Variants in FABP6 observed in about 807,000 individuals in gnomAD.
FABP6 encodes fatty acid binding protein 6.
FABP6 carries 13 observed loss-of-function variants against 14.9 expected under a neutral mutation model. The ratio of observed to expected loss-of-function variants is 0.87; its 90% CI spans 0.57 to 1.39. The LOEUF is 1.39. Among genes scored for constraint, FABP6 ranks in the 40% most tolerant of loss-of-function variants. The pLI is 0.00. For missense variants in FABP6, 161 were observed against 167.2 expected (o/e 0.96, Z 0.20); for synonymous variants, 75 against 63.6 (o/e 1.18, Z -0.85).
chr5:160,214,924 C>A (rs1378822194), intron 3 of FABP6, among the ~76,000 whole-genome samples: 1 of 152,126 alleles, frequency 6.6e-6, no homozygotes, highest in Non-Finnish European at 1.5e-5. Context: ...AGTGAGGTGG[C>A]TGCCCTGCAG....
chr5:160,214,796 GA>G (rs1355926716), intron 3 of FABP6, among the ~76,000 whole-genome samples: 1 of 143,564 alleles, frequency 7.0e-6, no homozygotes, highest in Non-Finnish European at 1.6e-5. Context: ...TCTATAAAAA[GA>G]AAGAAAGAAA....
At chr5:160,212,005 G>C (rs1317801364) in intron 2 of FABP6, among the ~76,000 whole-genome samples, 3 of 56,660 alleles carry the variant, frequency 5.3e-5, no homozygotes, top group African/African-American at 2.1e-4. Flanking sequence ...TTTTTTTTTT[G>C]AGATGCAGTC....
upstream of FABP6, among the ~76,000 whole-genome samples, chr5:160,225,418 T>C (rs1222417865): frequency 6.9e-6 from 1 of 144,356 alleles, no homozygotes; most frequent in Non-Finnish European, 1.5e-5. Context: ...TTTTTTTTTT[T>C]TGAGGCAGAG....
At chr5:160,234,480 G>A (rs1031635220) in intron 2 of FABP6, among the ~76,000 whole-genome samples, 14 of 141,686 alleles carry the variant, frequency 9.9e-5, no homozygotes, top group African/African-American at 2.1e-4. Flanking sequence ...AGGCTGGAGC[G>A]CAGTGCCACG....
chr5:160,216,734 A>G (rs1760020528), intron 3 of FABP6, among the ~76,000 whole-genome samples: 1 of 152,170 alleles, frequency 6.6e-6, no homozygotes, highest in Non-Finnish European at 1.5e-5. Context: ...ACCTTTCTGA[A>G]CTTAGACTTT....
At chr5:160,226,926 C>T (rs1312073091), upstream of FABP6, among the ~76,000 whole-genome samples, 2 of 152,088 alleles carry the variant, frequency 1.3e-5, no homozygotes, top group Non-Finnish European at 2.9e-5. Flanking sequence ...TCCTTTGTTC[C>T]AGGAATTTCA....
upstream of FABP6, among the ~76,000 whole-genome samples, chr5:160,226,492 C>T (rs568542577): frequency 6.8e-6 from 1 of 146,496 alleles, no homozygotes; most frequent in African/African-American, 2.6e-5. Context: ...ACCTGGGAGG[C>T]GGAGGTTGCA....
intron 1 of FABP6, 99 bp from the exon 2 acceptor site, chr5:160,231,999 A>AG (rs1760392239): frequency 7.3e-7 from 1 of 1,376,288 alleles, no homozygotes. Context: ...ATCATGCACA[A>AG]GGGGGTAGGG....
chr5:160,195,069 G>C (rs1759482311), intron 1 of FABP6, among the ~76,000 whole-genome samples: 1 of 152,094 alleles, frequency 6.6e-6, no homozygotes, highest in African/African-American at 2.4e-5. Flanking sequence ...TGGATCACTT[G>C]AGGTCAAGAG....
intron 1 of FABP6, among the ~76,000 whole-genome samples, chr5:160,230,644 G>A (rs1162687970): frequency 6.6e-6 from 1 of 152,076 alleles, no homozygotes; most frequent in East Asian, 1.9e-4. Context: ...TTACAGACGT[G>A]AGCCACCGAG....
intron 2 of FABP6, chr5:160,199,212 G>A: frequency 6.3e-7 from 1 of 1,584,392 alleles, no homozygotes; most frequent in East Asian, 2.2e-5. Flanking sequence ...GGATGACCCA[G>A]GTCACAGTGG....
chr5:160,195,879 C>G (rs1431048147), intron 1 of FABP6: 3 of 152,322 alleles, frequency 2.0e-5, no homozygotes, highest in Non-Finnish European at 4.4e-5. Flanking sequence ...CTGTCTTCCA[C>G]TTTGCTGCAT....
At chr5:160,207,378 T>C (rs778060117) in intron 2 of FABP6, among the ~76,000 whole-genome samples, 4 of 152,242 alleles carry the variant, frequency 2.6e-5, no homozygotes, top group Non-Finnish European at 5.9e-5. Context: ...AAGGTAGCAA[T>C]AGTCAGATTT....
chr5:160,215,575 A>G (rs1317486310), intron 3 of FABP6, among the ~76,000 whole-genome samples: 1 of 151,672 alleles, frequency 6.6e-6, no homozygotes, highest in African/African-American at 2.4e-5. Context: ...GTAATCCCAA[A>G]ACTTTGGGAG....
chr5:160,204,780 T>A (rs896874765), intron 2 of FABP6: 1 of 152,314 alleles, frequency 6.6e-6, no homozygotes, highest in Non-Finnish European at 1.5e-5. Context: ...TGTAAGTCAC[T>A]GCGCACGGCC....
chr5:160,217,030 T>C (rs6877438), intron 3 of FABP6, among the ~76,000 whole-genome samples: 31,742 of 152,126 alleles, frequency 0.21, 3,441 homozygotes, highest in South Asian at 0.25. Context: ...CTCATCTACA[T>C]GATGGGGGTA....
upstream of FABP6, among the ~76,000 whole-genome samples, chr5:160,226,486 G>A (rs911866331): frequency 4.0e-5 from 6 of 151,850 alleles, no homozygotes; most frequent in East Asian, 1.2e-3. Flanking sequence ...GCTTGAACCT[G>A]GGAGGCGGAG....
upstream of FABP6, among the ~76,000 whole-genome samples, chr5:160,225,007 T>G (rs1389217865): frequency 6.6e-6 from 1 of 151,938 alleles, no homozygotes; most frequent in East Asian, 1.9e-4. Flanking sequence ...CTCGAACTCC[T>G]GGCCTCAAGT....
chr5:160,203,815 C>G (rs530714610), intron 2 of FABP6, among the ~76,000 whole-genome samples: 7 of 151,906 alleles, frequency 4.6e-5, no homozygotes, highest in Non-Finnish European at 1.0e-4. Context: ...AATTCTCCAG[C>G]CTCAGCCTCT....
Sources: gnomAD v4.1 joint callset for allele counts (sites outside exome capture counted in the v4.1 genomes callset) on GRCh38, gnomAD v4.1.1 for gene constraint, MANE v1.5 for transcripts, NCBI Gene and HGNC (gene_info 2026-07-23, HGNC 2026-07-21) for gene names.